BANK1: variants seen among roughly 807,000 people sequenced by gnomAD.
The protein encoded by BANK1 is B cell scaffold protein with ankyrin repeats 1.
Under a neutral mutation model 94.5 loss-of-function variants are expected in BANK1, and 95 were observed. The ratio of observed to expected loss-of-function variants is 1.00; its 90% confidence interval spans 0.85 to 1.19. The LOEUF is 1.19. Among genes scored for constraint, BANK1 ranks in the 50% most tolerant of loss-of-function variants. The pLI, the probability that BANK1 is intolerant of heterozygous loss-of-function variation, is 0.00. For synonymous variants in BANK1, 334 were observed against 308.4 expected (o/e 1.08, Z -0.87); for missense variants, 987 against 932.2 (o/e 1.06, Z -0.77).
chr4:101,953,355 G>A (rs1435187553), intron 7 of BANK1, among the ~76,000 whole-genome samples: 1 of 152,036 alleles, frequency 6.6e-6, no homozygotes, highest in African/African-American at 2.4e-5. Flanking sequence ...TGAACAAAAA[G>A]CAATTTTCCC....
At chr4:101,997,227 T>A (rs150908889) in intron 7 of BANK1, among the ~76,000 whole-genome samples, 1 of 152,148 alleles carries the variant, frequency 6.6e-6, no homozygotes. Flanking sequence ...TGTGATGGAT[T>A]ATGTTTATTG....
intron 13 of BANK1, among the ~76,000 whole-genome samples, chr4:102,064,474 A>G (rs780573527): frequency 2.0e-5 from 3 of 152,166 alleles, no homozygotes; most frequent in Admixed American, 6.5e-5. Context: ...CAATAACTCT[A>G]TGAGGTGGGC....
At chr4:101,984,214 G>A (rs1282017720) in intron 7 of BANK1, among the ~76,000 whole-genome samples, 1 of 151,926 alleles carries the variant, frequency 6.6e-6, no homozygotes, top group African/African-American at 2.4e-5. Context: ...TCGAAAAAGA[G>A]GAATGAAAAG....
chr4:101,972,193 C>A (rs546021247), intron 7 of BANK1, among the ~76,000 whole-genome samples: 1 of 152,044 alleles, frequency 6.6e-6, no homozygotes, highest in South Asian at 2.1e-4. Context: ...AGGTCTTTCA[C>A]CTTTTTGATT....
chr4:102,013,620 T>G (rs72929961), intron 7 of BANK1, among the ~76,000 whole-genome samples: 4,022 of 152,040 alleles, frequency 0.026, 209 homozygotes, highest in African/African-American at 0.093. Context: ...CATCATCACA[T>G]CTGTCAGGTG....
intron 7 of BANK1, among the ~76,000 whole-genome samples, chr4:101,998,862 C>T (rs1257754494): frequency 6.6e-6 from 1 of 152,080 alleles, no homozygotes; most frequent in Admixed American, 6.6e-5. Flanking sequence ...TTAGTTGTCT[C>T]TCTGGTGTTT....
intron 7 of BANK1, among the ~76,000 whole-genome samples, chr4:101,930,144 C>T (rs989034696): frequency 9.3e-5 from 14 of 151,156 alleles, no homozygotes; most frequent in African/African-American, 3.4e-4. Flanking sequence ...GAATATCTCT[C>T]CCACAGAACT....
chr4:102,041,656 G>A (rs934430866), intron 10 of BANK1, among the ~76,000 whole-genome samples: 1 of 151,958 alleles, frequency 6.6e-6, no homozygotes, highest in Non-Finnish European at 1.5e-5. Flanking sequence ...TGCTTTTAAA[G>A]AGTCGTATTA....
intron 7 of BANK1, among the ~76,000 whole-genome samples, chr4:101,918,851 A>G (rs1722913954): frequency 6.6e-6 from 1 of 151,964 alleles, no homozygotes; most frequent in African/African-American, 2.4e-5. Context: ...GATTAAGCCA[A>G]TCTAATTAAT....
At chr4:102,047,152 C>T (rs1023384751) in intron 11 of BANK1, among the ~76,000 whole-genome samples, 3 of 152,088 alleles carry the variant, frequency 2.0e-5, no homozygotes, top group Non-Finnish European at 4.4e-5. Flanking sequence ...TTCAATGGAC[C>T]TGCTCCTAGG....
chr4:102,007,134 A>AAAAT, intron 7 of BANK1, among the ~76,000 whole-genome samples: 1 of 52,152 alleles, frequency 1.9e-5, no homozygotes, highest in South Asian at 5.8e-4. Flanking sequence ...ATATATATAT[A>AAAAT]AAAAATATAT....
chr4:101,935,041 T>C (rs1008807128), intron 7 of BANK1, among the ~76,000 whole-genome samples: 2 of 151,534 alleles, frequency 1.3e-5, no homozygotes, highest in African/African-American at 4.8e-5. Context: ...ACTTTTTCTT[T>C]TTGCATAGCA....
chr4:101,839,672 C>A (rs1726957748), intron 2 of BANK1, among the ~76,000 whole-genome samples: 1 of 152,114 alleles, frequency 6.6e-6, no homozygotes, highest in Admixed American at 6.6e-5. Context: ...CCCTTCAATT[C>A]TTAAGCAGGG....
chr4:101,949,641 A>C (rs1724062712), intron 7 of BANK1, among the ~76,000 whole-genome samples: 1 of 152,190 alleles, frequency 6.6e-6, no homozygotes, highest in South Asian at 2.1e-4. Flanking sequence ...TGTTTTGAAC[A>C]ACAGAGAACA....
intron 7 of BANK1, among the ~76,000 whole-genome samples, chr4:102,011,121 C>T (rs974157338): frequency 6.6e-6 from 1 of 152,194 alleles, no homozygotes; most frequent in African/African-American, 2.4e-5. Flanking sequence ...TCAAATGCCT[C>T]CACCTTACCT....
rs1491112313 is a variant in BANK1, at chr4:102,018,819, CCT to C, written c.1207-2694_1207-2693del. On this transcript the variant is annotated intron_variant, in intron 7 of 16. Transcript: ENST00000322953. ...ATCTATTTCTTTTCTTTCTTTCTTT[CCT>C]TTTTTTTTTTTTTTTGAGACAGAGT... Among the ~76,000 whole-genome samples, 29 of 141,088 alleles carry C rather than the reference CCT, an allele frequency of 2.1e-4. 1 individual carries two copies. Among genetic ancestry groups the C allele is most frequent in the African/African-American group, 6.3e-4 (23 of 36,552 alleles). The allele number at this position is 141,088 out of a possible 152,430, so 92.6% of individuals were successfully genotyped here.
In BANK1 at chr4:102,072,395, A is replaced by C. The variant is rs761188879; in HGVS notation, c.2293A>C (p.Asn765His). 1 of 1,591,322 alleles carries C rather than the reference A, an allele frequency of 6.3e-7. No homozygotes were observed. The highest frequency in any genetic ancestry group is 8.6e-7 in the Non-Finnish European group (1 of 1,161,880). ...ENKFYNVHFS[N>H]KLPARPQVEK... is the part of the protein sequence containing the mutation. ...TAAGTTTTATAATGTACACTTCAGC[A>C]ATAAGGTAGGTTGTATTTATTTTGA... is the stretch of plus-strand genomic sequence containing the variant. Residue 765 changes from asparagine to histidine, a missense_variant, in exon 15 of 17, where the codon AAT (asparagine) becomes CAT (histidine). Physicochemically the swap from Asn to His is moderately conservative, Grantham distance 68 (BLOSUM62 1). Transcript: ENST00000322953.
intron 11 of BANK1, among the ~76,000 whole-genome samples, chr4:102,053,426 T>TA (rs772251418): frequency 1.3e-5 from 2 of 152,080 alleles, no homozygotes; most frequent in African/African-American, 4.8e-5. Context: ...CAGAATCCAT[T>TA]AAAAAATTAG....
chr4:102,020,328 A>G (rs1474468605), intron 7 of BANK1, among the ~76,000 whole-genome samples: 1 of 152,144 alleles, frequency 6.6e-6, no homozygotes, highest in Non-Finnish European at 1.5e-5. Context: ...ACAAATATCA[A>G]TCAAAATGTC....
Sources: allele counts gnomAD v4.1 joint callset (sites outside exome capture counted in the v4.1 genomes callset), GRCh38; gene constraint gnomAD v4.1.1; transcripts MANE v1.5; gene names NCBI Gene and HGNC (gene_info 2026-07-23, HGNC 2026-07-21).